Variants in DLGAP2 observed in about 807,000 individuals in gnomAD.
The protein encoded by DLGAP2 is disks large-associated protein 2.
Under a neutral mutation model 100.3 loss-of-function variants are expected in DLGAP2, and 26 were observed. The ratio of observed to expected loss-of-function variants is 0.26; its 90% confidence interval spans 0.19 to 0.36. DLGAP2 has a LOEUF of 0.36. DLGAP2 is among the 10% of genes least tolerant of loss of function. DLGAP2 has a pLI of 1.00. For missense variants in DLGAP2, 1,858 were observed against 1,453.2 expected, an observed-to-expected ratio of 1.28 and a Z score of -4.53; for synonymous variants, 886 against 630.1, an observed-to-expected ratio of 1.41 and a Z score of -6.08.
At chr8:1,132,281 T>C (rs1041640793) in intron 2 of DLGAP2, among the ~76,000 whole-genome samples, 1 of 152,216 alleles carries the variant, frequency 6.6e-6, no homozygotes, top group African/African-American at 2.4e-5. Context: ...CAAAATCTCT[T>C]CTGTTAATCA....
chr8:1,483,122 C>T (rs1361079649), intron 3 of DLGAP2, among the ~76,000 whole-genome samples: 1 of 152,168 alleles, frequency 6.6e-6, no homozygotes, highest in African/African-American at 2.4e-5. Context: ...TCGGTGCCGG[C>T]AGGAAGGGCA....
chr8:1,095,397 C>T (rs1002460482), intron 2 of DLGAP2, among the ~76,000 whole-genome samples: 7 of 152,200 alleles, frequency 4.6e-5, no homozygotes, highest in African/African-American at 9.7e-5. Context: ...AGCTCACCCT[C>T]GCCCGGGGTT....
At chr8:1,432,815 G>T (rs73532668) in intron 3 of DLGAP2, among the ~76,000 whole-genome samples, 1 of 152,186 alleles carries the variant, frequency 6.6e-6, no homozygotes, top group South Asian at 2.1e-4. Context: ...CAGGTTCAGC[G>T]GGAGTCGCCT....
intron 5 of DLGAP2, among the ~76,000 whole-genome samples, chr8:1,551,561 C>T (rs1179563913): frequency 6.6e-6 from 1 of 152,190 alleles, no homozygotes; most frequent in Non-Finnish European, 1.5e-5. Flanking sequence ...CTCTCTGCCT[C>T]CAACAGCTAT....
rs1563275255 is a variant in DLGAP2, at chr8:1,641,885, T to TCACCTGTGTCACCCTCGACCCCGCCGGC, written c.1810+8840_1810+8841insACCTGTGTCACCCTCGACCCCGCCGGCC. Among the ~76,000 whole-genome samples, 127 of 116,218 alleles carry TCACCTGTGTCACCCTCGACCCCGCCGGC rather than the reference T, an allele frequency of 1.1e-3. 4 individuals are homozygous for TCACCTGTGTCACCCTCGACCCCGCCGGC. The highest frequency in any genetic ancestry group is 3.2e-3 in the East Asian group (13 of 4,122). The allele number at this position is 116,218 out of a possible 152,430, so 76.2% of individuals were successfully genotyped here. On this transcript the variant is annotated intron_variant, in intron 8 of 14. Coordinates refer to ENST00000637795, the MANE Select transcript of DLGAP2 (RefSeq NM_001346810.2). ...CTCCCATACCCCTCGAACCCGCCGG[T>TCACCTGTGTCACCCTCGACCCCGCCGGC]CCTCACCTGTGTCACCCTCGACCCC...
chr8:1,417,727 A>ACGGGGAGGCCTCACTCCTGCCTCACTC, intron 3 of DLGAP2, among the ~76,000 whole-genome samples: 5 of 111,510 alleles, frequency 4.5e-5, no homozygotes, highest in Non-Finnish European at 8.1e-5. Flanking sequence ...GAGGCTCCAG[A>ACGGGGAGGCCTCACTCCTGCCTCACTC]CACAGAAGCC....
intron 3 of DLGAP2, among the ~76,000 whole-genome samples, chr8:1,322,772 T>TC (rs1163018937): frequency 6.6e-6 from 1 of 152,198 alleles, no homozygotes; most frequent in African/African-American, 2.4e-5. Context: ...GATCGGCTCC[T>TC]CCCCCCTGCA....
chr8:1,071,421 C>A (rs1352278698), intron 2 of DLGAP2, among the ~76,000 whole-genome samples: 1 of 152,152 alleles, frequency 6.6e-6, no homozygotes, highest in East Asian at 1.9e-4. Context: ...GCAGTCTCTC[C>A]TGGGTGGGGC....
chr8:1,008,254 C>A (rs1021569778), intron 2 of DLGAP2, among the ~76,000 whole-genome samples: 1 of 152,106 alleles, frequency 6.6e-6, no homozygotes, highest in Non-Finnish European at 1.5e-5. Context: ...CAAAAACAGG[C>A]CATTTGAAAA....
At chr8:1,457,121 A>G (rs1317389760) in intron 3 of DLGAP2, among the ~76,000 whole-genome samples, 1 of 152,200 alleles carries the variant, frequency 6.6e-6, no homozygotes, top group East Asian at 1.9e-4. Flanking sequence ...TTGGAGTTGC[A>G]AGATTTTTCA....
chr8:1,686,828 C>T (rs922684053), intron 12 of DLGAP2, among the ~76,000 whole-genome samples: 1 of 152,088 alleles, frequency 6.6e-6, no homozygotes, highest in African/African-American at 2.4e-5. Context: ...AGTAAGAAAA[C>T]ATGGTTAATA....
intron 2 of DLGAP2, among the ~76,000 whole-genome samples, chr8:974,405 A>T (rs1429391129): frequency 6.6e-6 from 1 of 152,226 alleles, no homozygotes; most frequent in Non-Finnish European, 1.5e-5. Context: ...ACCAACCCAG[A>T]ATTCTGTCTA....
intron 3 of DLGAP2, among the ~76,000 whole-genome samples, chr8:1,337,954 G>A (rs913333397): frequency 5.3e-5 from 8 of 152,178 alleles, no homozygotes; most frequent in South Asian, 2.1e-4. Context: ...ATCATGAGTC[G>A]TTACAAAAAT....
chr8:1,442,137 T>A lies in DLGAP2; in HGVS notation c.107-59229T>A, dbSNP rs1444268789. Among the ~76,000 whole-genome samples the A allele has an allele frequency of 3.9e-5, 6 of 152,134 alleles. No homozygotes were observed. In the South Asian group the frequency reaches 1.3e-3, roughly 32 times the overall value. On this transcript the variant is annotated intron_variant, in intron 3 of 14. Coordinates refer to ENST00000637795, the MANE Select transcript of DLGAP2 (RefSeq NM_001346810.2). The stretch of plus-strand genomic sequence containing the variant: ...AGGAGACAGATCCAGGCATAGACCC[T>A]CTGGGCTGCTGTGGGTTCAGCCACT...
At chr8:1,374,666 C>T (rs1314310010) in intron 3 of DLGAP2, among the ~76,000 whole-genome samples, 1 of 152,196 alleles carries the variant, frequency 6.6e-6, no homozygotes, top group East Asian at 1.9e-4. Context: ...AAGTTCATTT[C>T]TGAGTCGTTT....
chr8:945,799 CCT>C (rs1799303922), intron 2 of DLGAP2, among the ~76,000 whole-genome samples: 1 of 152,078 alleles, frequency 6.6e-6, no homozygotes, highest in African/African-American at 2.4e-5. Flanking sequence ...CCCTCTCCTC[CCT>C]CTCTCGCTCC....
intron 2 of DLGAP2, among the ~76,000 whole-genome samples, chr8:1,090,622 C>G (rs902802238): frequency 6.6e-6 from 1 of 152,224 alleles, no homozygotes; most frequent in Admixed American, 6.5e-5. Context: ...GGGGTCTTGC[C>G]TCTTGCTGAC....
At chr8:761,249 C>T (rs962841016) in intron 1 of DLGAP2, among the ~76,000 whole-genome samples, 1 of 152,134 alleles carries the variant, frequency 6.6e-6, no homozygotes, top group African/African-American at 2.4e-5. Context: ...GTAGAACCTG[C>T]TGGTCTTCCA....
At chr8:755,079 A>G (rs922158532) in intron 1 of DLGAP2, among the ~76,000 whole-genome samples, 2 of 152,122 alleles carry the variant, frequency 1.3e-5, no homozygotes, top group Admixed American at 1.3e-4. Flanking sequence ...CATTTGATGT[A>G]TTTACCAATA....
Sources: gnomAD v4.1 joint callset for allele counts (sites outside exome capture counted in the v4.1 genomes callset) on GRCh38, gnomAD v4.1.1 for gene constraint, MANE v1.5 for transcripts, NCBI Gene and HGNC (gene_info 2026-07-23, HGNC 2026-07-21) for gene names.